Variants in RTTN observed in about 807,000 individuals in gnomAD.
The protein encoded by RTTN is rotatin.
A neutral mutation model predicts 269.2 loss-of-function variants in RTTN; 182 were observed. The ratio of observed to expected loss-of-function variants is 0.68; its 90% confidence interval spans 0.60 to 0.76. The LOEUF (loss-of-function observed/expected upper bound fraction) is 0.76, where lower values mean the gene tolerates loss of function less well. Ranked by LOEUF, RTTN falls within the 30% of genes least tolerant of loss-of-function variation. The probability of loss-of-function intolerance (pLI) is 0.00; values close to 1 mark genes in which losing one functional copy is unlikely to be tolerated. For synonymous variants in RTTN, 1,006 were observed against 963.5 expected, an observed-to-expected ratio of 1.04 and a Z score of -0.82; for missense variants, 2,545 against 2,608.6, an observed-to-expected ratio of 0.98 and a Z score of 0.53.
chr18:70,067,387 C>T (rs1204358451), intron 34 of RTTN, among the ~76,000 whole-genome samples: 1 of 152,138 alleles, frequency 6.6e-6, no homozygotes, highest in Non-Finnish European at 1.5e-5. Flanking sequence ...TCTCGATCTC[C>T]TGACCTCGTG....
intron 14 of RTTN, among the ~76,000 whole-genome samples, chr18:70,158,909 A>AC (rs58343591): frequency 1.3e-5 from 2 of 152,032 alleles, no homozygotes; most frequent in Non-Finnish European, 2.9e-5. Flanking sequence ...TCCTAAATAT[A>AC]ATGCACCCAG....
chr18:70,191,768 C>T (rs80356342), intron 8 of RTTN, among the ~76,000 whole-genome samples: 8,708 of 152,174 alleles, frequency 0.057, 300 homozygotes, highest in East Asian at 0.1. Flanking sequence ...AATTATAAAC[C>T]AACTTTGTCG....
intron 11 of RTTN, among the ~76,000 whole-genome samples, chr18:70,172,777 A>T (rs1319573327): frequency 6.6e-6 from 1 of 152,176 alleles, no homozygotes; most frequent in Non-Finnish European, 1.5e-5. Context: ...TTCCTGTCCA[A>T]ATAAGCACAT....
At chr18:70,095,127 C>CTT (rs138773918) in intron 28 of RTTN, among the ~76,000 whole-genome samples, 57 of 145,708 alleles carry the variant, frequency 3.9e-4, no homozygotes, top group African/African-American at 5.5e-4. Context: ...GCAACTCCTG[C>CTT]TTTTTTTTTT....
At position 70,038,751 on chromosome 18, in the gene RTTN, C is replaced by T. The variant is rs187342103; in HGVS notation, c.5542-7770G>A. On this transcript the variant is annotated intron_variant, in intron 40 of 48. Transcript: ENST00000640769. ...CTAAAATAAGGCATCAGAGACCAAG[C>T]GTGGAGAAACAAGAGATATGTGAAC... Among the ~76,000 whole-genome samples the T allele has an allele frequency of 5.3e-5, 8 of 152,202 alleles. 1 individual carries two copies. The highest frequency in any genetic ancestry group is 3.9e-4 in the Admixed American group (6 of 15,286).
intron 47 of RTTN, chr18:70,005,991 A>G: frequency 6.1e-6 from 1 of 163,362 alleles, no homozygotes; most frequent in Non-Finnish European, 1.3e-5. Flanking sequence ...GTCGTACAAG[A>G]ACTGAGCTAG....
intron 28 of RTTN, among the ~76,000 whole-genome samples, chr18:70,097,998 G>A (rs1359131124): frequency 6.6e-6 from 1 of 152,096 alleles, no homozygotes; most frequent in African/African-American, 2.4e-5. Context: ...ATTTTCTAGA[G>A]GAGACTGACT....
chr18:70,155,982 T>C (rs758386026), intron 14 of RTTN, among the ~76,000 whole-genome samples: 55 of 152,198 alleles, frequency 3.6e-4, no homozygotes, highest in Non-Finnish European at 7.1e-4. Flanking sequence ...CTGAGGAGGA[T>C]GTATGTCGCC....
At chr18:70,110,861 G>A (rs987315628) in intron 27 of RTTN, among the ~76,000 whole-genome samples, 4 of 152,232 alleles carry the variant, frequency 2.6e-5, no homozygotes, top group African/African-American at 7.2e-5. Context: ...GACCTGGGAC[G>A]CTAGAGCTTG....
chr18:70,112,303 C>G (rs990339151), intron 27 of RTTN, among the ~76,000 whole-genome samples: 1 of 151,954 alleles, frequency 6.6e-6, no homozygotes, highest in East Asian at 1.9e-4. Context: ...TCACACATAA[C>G]AATATTAACC....
intron 30 of RTTN, among the ~76,000 whole-genome samples, chr18:70,089,330 G>A (rs1210001162): frequency 6.6e-6 from 1 of 152,228 alleles, no homozygotes; most frequent in Non-Finnish European, 1.5e-5. Flanking sequence ...GGTCATATGA[G>A]CACACAGTGA....
intron 28 of RTTN, among the ~76,000 whole-genome samples, chr18:70,095,110 GA>G (rs1292217276): frequency 7.4e-6 from 1 of 135,008 alleles, no homozygotes; most frequent in Non-Finnish European, 1.6e-5. Flanking sequence ...TATCAGTGAT[GA>G]AAATTGCAAC....
intron 33 of RTTN, among the ~76,000 whole-genome samples, chr18:70,074,475 T>C (rs980664764): frequency 1.3e-5 from 2 of 152,146 alleles, no homozygotes; most frequent in Non-Finnish European, 2.9e-5. Context: ...TCACACTTAA[T>C]AATTCGGGGA....
At chr18:70,106,441 G>T (rs923909770) in intron 28 of RTTN, among the ~76,000 whole-genome samples, 1 of 152,172 alleles carries the variant, frequency 6.6e-6, no homozygotes, top group East Asian at 1.9e-4. Context: ...AGGCCAAACA[G>T]TATTAGGTAA....
chr18:70,205,277 T>C lies in RTTN; in HGVS notation c.70A>G (p.Ser24Gly). ...LAEIRERALKSILCKIEHNLI... is the reference protein window; with the variant it reads ...LAEIRERALKGILCKIEHNLI... ...TTGTGCTCAATCTTGCAGAGAATAC[T>C]CTTGAGAGCGCGCTCCCTGATCTCG... The change falls in exon 2 of 49, where the codon AGT (serine) becomes GGT (glycine). Residue 24 changes from serine (S) to glycine (G), a missense_variant. Physicochemically the swap from Ser to Gly is moderately conservative, Grantham distance 56. Transcript: ENST00000640769. The C allele has an allele frequency of 6.2e-7, 1 of 1,614,202 alleles. No homozygotes were observed. The highest frequency in any genetic ancestry group is 2.2e-5 in the East Asian group (1 of 44,876).
intron 34 of RTTN, among the ~76,000 whole-genome samples, chr18:70,066,589 T>A (rs960045715): frequency 2.0e-5 from 3 of 152,196 alleles, no homozygotes; most frequent in African/African-American, 7.2e-5. Flanking sequence ...TGAAAAACAC[T>A]TATGTGGTGA....
chr18:70,061,850 T>G (rs372901367), intron 35 of RTTN, among the ~76,000 whole-genome samples: 81 of 152,164 alleles, frequency 5.3e-4, no homozygotes, highest in African/African-American at 1.9e-3. Flanking sequence ...AACAAAATAA[T>G]TGATTCATAC....
intron 45 of RTTN, among the ~76,000 whole-genome samples, chr18:70,018,073 T>C (rs1468324153): frequency 6.6e-6 from 1 of 152,236 alleles, no homozygotes; most frequent in African/African-American, 2.4e-5. Context: ...TCTTGAATAC[T>C]AGTTAACAAC....
chr18:70,095,997 TG>T (rs1180906718), intron 28 of RTTN, among the ~76,000 whole-genome samples: 4 of 150,950 alleles, frequency 2.6e-5, no homozygotes, highest in Non-Finnish European at 5.9e-5. Context: ...CATTCCCTTT[TG>T]TTTTTTTTTT....
Sources: gnomAD v4.1 joint callset for allele counts (sites outside exome capture counted in the v4.1 genomes callset) on GRCh38, gnomAD v4.1.1 for gene constraint, MANE v1.5 for transcripts, NCBI Gene and HGNC (gene_info 2026-07-23, HGNC 2026-07-21) for gene names.